Variants in PSMA1 observed in about 807,000 individuals in gnomAD.
The protein encoded by PSMA1 is proteasome 20S subunit alpha 1.
A neutral mutation model predicts 38.4 loss-of-function variants in PSMA1; 3 were observed. That is an observed-to-expected ratio of 0.08 (90% CI 0.04 to 0.20). The LOEUF is 0.20. Ranked by LOEUF, PSMA1 falls within the 10% of genes least tolerant of loss-of-function variation. The pLI is 1.00. For missense variants in PSMA1, 227 were observed against 325.3 expected (o/e 0.70, Z 2.32); for synonymous variants, 101 against 107.1 (o/e 0.94, Z 0.35).
intron 1 of PSMA1, among the ~76,000 whole-genome samples, chr11:14,618,902 T>C (rs1411507197): frequency 6.6e-6 from 1 of 152,256 alleles, no homozygotes; most frequent in Admixed American, 6.5e-5. Flanking sequence ...CTGTAACAGA[T>C]GATCTTATAC....
At chr11:14,518,082 G>T in intron 2 of PSMA1, 101 bp from the exon 3 acceptor site, 12 of 805,670 alleles carry the variant, frequency 1.5e-5, no homozygotes, top group Non-Finnish European at 1.8e-5. Flanking sequence ...AATCTCAACT[G>T]ATTTTTTTTT....
chr11:14,517,929 G>C lies in PSMA1; in HGVS notation c.101C>G (p.Ala34Gly). 6.2e-7 allele frequency: 1 copy of C among 1,609,390 alleles called. No individual in the cohort carries two copies. The highest frequency in any genetic ancestry group is 8.5e-7 in the Non-Finnish European group (1 of 1,178,640). ...AGTTTTTGATTTCAGACCAACTGTG[G>C]CTGAACCTTGTTTAACAGCTTCCAT... ...YAMEAVKQGS[A>G]TVGLKSKTHA... is the part of the protein sequence containing the mutation. The change falls in exon 3 of 10, where the codon GCC (alanine) becomes GGC (glycine). Residue 34 changes from alanine to glycine, a missense_variant. By Grantham distance (60) the Ala-to-Gly change is moderately conservative. Coordinates refer to ENST00000396394, the MANE Select transcript of PSMA1 (RefSeq NM_002786.4).
intron 2 of PSMA1, among the ~76,000 whole-genome samples, chr11:14,580,813 G>A (rs1210117435): frequency 6.6e-6 from 1 of 152,196 alleles, no homozygotes; most frequent in Admixed American, 6.5e-5. Context: ...GTAGGAAACT[G>A]AGAGATTATC....
chr11:14,625,008 A>G (rs896848817), intron 1 of PSMA1, among the ~76,000 whole-genome samples: 1 of 152,202 alleles, frequency 6.6e-6, no homozygotes, highest in Non-Finnish European at 1.5e-5. Context: ...AACTGCAGCA[A>G]TGGGGCTCCA....
intron 2 of PSMA1, among the ~76,000 whole-genome samples, chr11:14,543,521 G>A (rs1342902665): frequency 1.3e-5 from 2 of 151,236 alleles, no homozygotes; most frequent in Non-Finnish European, 2.9e-5. Flanking sequence ...TTTAAAACTT[G>A]ATTTGGTTTC....
At chr11:14,530,385 T>C (rs1362058543) in intron 2 of PSMA1, among the ~76,000 whole-genome samples, 1 of 152,210 alleles carries the variant, frequency 6.6e-6, no homozygotes, top group Non-Finnish European at 1.5e-5. Context: ...CACTTTATTA[T>C]AAAATACGAG....
At chr11:14,506,584 C>T (rs1055350094) in intron 9 of PSMA1, among the ~76,000 whole-genome samples, 2 of 151,896 alleles carry the variant, frequency 1.3e-5, no homozygotes, top group African/African-American at 4.8e-5. Context: ...GCAAAAAGAC[C>T]CATATTTCAC....
intron 1 of PSMA1, among the ~76,000 whole-genome samples, chr11:14,613,435 G>A (rs776004543): frequency 1.3e-5 from 2 of 151,734 alleles, no homozygotes; most frequent in Non-Finnish European, 2.9e-5. Flanking sequence ...TGTATTTTTA[G>A]TAGAGACGGG....
chr11:14,509,910 A>C (rs1281069806), intron 8 of PSMA1, among the ~76,000 whole-genome samples: 1 of 151,746 alleles, frequency 6.6e-6, no homozygotes, highest in East Asian at 1.9e-4. Flanking sequence ...TTTTTAGTAG[A>C]GATGGGGTTT....
In PSMA1 at chr11:14,520,327, T is replaced by A; in HGVS notation, c.-28A>T. 1 of 1,614,206 alleles carries A rather than the reference T, an allele frequency of 6.2e-7. No homozygotes were observed. The highest frequency in any genetic ancestry group is 8.5e-7 in the Non-Finnish European group (1 of 1,180,016). ...TGGCGGCGCGGGCCTGGTTGCGGCC[T>A]CCAGCAAAACTGAGAATCAAGGAGG... On this transcript the variant is annotated 5_prime_UTR_variant, in exon 1 of 10. Coordinates refer to ENST00000396394, the MANE Select transcript of PSMA1 (RefSeq NM_002786.4).
chr11:14,617,374 C>T (rs1460087523), intron 1 of PSMA1, among the ~76,000 whole-genome samples: 1 of 152,078 alleles, frequency 6.6e-6, no homozygotes, highest in Non-Finnish European at 1.5e-5. Context: ...TAATCATTTG[C>T]TTGTCTGTTT....
At chr11:14,619,999 C>T (rs1852821774) in intron 1 of PSMA1, among the ~76,000 whole-genome samples, 1 of 152,078 alleles carries the variant, frequency 6.6e-6, no homozygotes, top group Admixed American at 6.6e-5. Context: ...TTTTAATTCT[C>T]GTGTACCTAA....
intron 1 of PSMA1, among the ~76,000 whole-genome samples, chr11:14,630,444 TC>T (rs1852987835): frequency 6.6e-6 from 1 of 152,222 alleles, no homozygotes; most frequent in Non-Finnish European, 1.5e-5. Context: ...TGTCTTTGGC[TC>T]TGTTTATATG....
At chr11:14,586,752 C>T (rs1008409696) in intron 2 of PSMA1, among the ~76,000 whole-genome samples, 5 of 151,744 alleles carry the variant, frequency 3.3e-5, no homozygotes, top group South Asian at 2.1e-4. Flanking sequence ...TCATCAATCT[C>T]TCTTTCTTTC....
intron 1 of PSMA1, among the ~76,000 whole-genome samples, chr11:14,616,231 GTTTTTTT>G (rs34292683): frequency 7.9e-6 from 1 of 126,686 alleles, no homozygotes. Context: ...GATCCCAACA[GTTTTTTT>G]TTTTTTTTTT....
chr11:14,572,355 G>A (rs967794925), intron 2 of PSMA1, among the ~76,000 whole-genome samples: 5 of 152,190 alleles, frequency 3.3e-5, no homozygotes, highest in African/African-American at 1.2e-4. Context: ...TCAGGATTAA[G>A]AAATTCACTG....
In PSMA1 at chr11:14,571,598, G is replaced by C. The variant is rs181002440; in HGVS notation, c.21+39368C>G. Among the ~76,000 whole-genome samples the C allele has an allele frequency of 1.2e-4, 19 of 152,308 alleles. No homozygotes were observed. In the East Asian group the frequency reaches 3.7e-3, roughly 29 times the overall value. On this transcript the variant is annotated intron_variant, in intron 2 of 10. Coordinates refer to the PSMA1 transcript ENST00000418988. The stretch of plus-strand genomic sequence containing the variant: ...AGACCATTGATGCTAGGAAGAAACT[G>C]CATCAACTAACGAGCAAAATAACCA...
Position 14,560,477 on chromosome 11 carries a change from G to A in PSMA1, c.22-41436C>T, listed in dbSNP as rs555761225. The stretch of plus-strand genomic sequence containing the variant: ...GTTTCTGGTTACTATGTCCTTCTTG[G>A]GCCATGGCTGCTGCTCCTGCCTCCA... On this transcript the variant is annotated intron_variant, in intron 2 of 10. Transcript: ENST00000418988. Among the ~76,000 whole-genome samples, 3 of 152,130 alleles carry A rather than the reference G, an allele frequency of 2.0e-5. No homozygotes were observed. The South Asian group carries it at 6.2e-4, about 32-fold the overall frequency.
chr11:14,586,541 G>C (rs1852347902), intron 2 of PSMA1, among the ~76,000 whole-genome samples: 1 of 151,996 alleles, frequency 6.6e-6, no homozygotes, highest in Non-Finnish European at 1.5e-5. Flanking sequence ...ATATATGATA[G>C]GTATTCTATT....
Sources: gnomAD v4.1 joint callset for allele counts (sites outside exome capture counted in the v4.1 genomes callset) on GRCh38, gnomAD v4.1.1 for gene constraint, MANE v1.5 for transcripts, NCBI Gene and HGNC (gene_info 2026-07-23, HGNC 2026-07-21) for gene names.